Variants in PRDM16 observed in about 807,000 individuals in gnomAD.
PRDM16 encodes histone-lysine N-methyltransferase PRDM16.
Under a neutral mutation model 110.6 loss-of-function variants are expected in PRDM16, and 23 were observed. The ratio of observed to expected loss-of-function variants is 0.21; its 90% CI spans 0.15 to 0.29. PRDM16 has a LOEUF of 0.29. Among genes scored for constraint, PRDM16 ranks in the 10% least tolerant of loss-of-function variants. The pLI is 1.00. For synonymous variants in PRDM16, 799 were observed against 781.8 expected, an observed-to-expected ratio of 1.02 and a Z score of -0.37; for missense variants, 1,615 against 1,794.3, an observed-to-expected ratio of 0.90 and a Z score of 1.81.
At chr1:3,318,223 A>C (rs1641657409) in intron 3 of PRDM16, among the ~76,000 whole-genome samples, 1 of 152,098 alleles carries the variant, frequency 6.6e-6, no homozygotes, top group South Asian at 2.1e-4. Flanking sequence ...ACTTTTAATA[A>C]CTGTATTAAG....
intron 2 of PRDM16, among the ~76,000 whole-genome samples, chr1:3,236,888 T>C (rs907661734): frequency 1.3e-5 from 2 of 152,224 alleles, no homozygotes; most frequent in Non-Finnish European, 2.9e-5. Flanking sequence ...GAGCCCGGCC[T>C]GCCTGGCCCT....
chr1:3,433,003 C>T lies in PRDM16; in HGVS notation c.3697-674C>T, dbSNP rs537129342. Reference sequence around the variant, plus strand: ...CAGAGGCAGCTCTTTGGTGTCCCCACGGTCACCAAAACAGACATCCCCTGG... The same window carrying T: ...CAGAGGCAGCTCTTTGGTGTCCCCATGGTCACCAAAACAGACATCCCCTGG... On this transcript the variant is annotated intron_variant, in intron 16 of 16. Transcript: ENST00000270722. Among the ~76,000 whole-genome samples, 22 of 152,358 alleles carry T rather than the reference C, an allele frequency of 1.4e-4. No homozygotes were observed. In the South Asian group the frequency reaches 1.7e-3, roughly 11 times the overall value.
chr1:3,152,731 C>A (rs995205903), intron 1 of PRDM16, among the ~76,000 whole-genome samples: 3 of 152,182 alleles, frequency 2.0e-5, no homozygotes, highest in Non-Finnish European at 4.4e-5. Context: ...TGGGCCAGGT[C>A]CCCTGGGGAG....
Position 3,176,890 on chromosome 1 carries a change from G to A in PRDM16, c.38-9235G>A, listed in dbSNP as rs114710769. On this transcript the variant is annotated intron_variant, in intron 1 of 16. Coordinates refer to ENST00000270722, the MANE Select transcript of PRDM16 (RefSeq NM_022114.4). ...CATCTATCCATTCTTCCTTCCTTCC[G>A]TCTAACCATCCATCCACCCATCTAT... Among the ~76,000 whole-genome samples the A allele has an allele frequency of 3.7e-3, 549 of 148,788 alleles. 2 individuals are homozygous for A. Among genetic ancestry groups the A allele is most frequent in the African/African-American group, 0.012 (501 of 40,306 alleles).
chr1:3,281,970 G>A (rs945267799), intron 3 of PRDM16, among the ~76,000 whole-genome samples: 1 of 152,226 alleles, frequency 6.6e-6, no homozygotes, highest in Non-Finnish European at 1.5e-5. Context: ...GGGTGTTCTA[G>A]AAGGAGTGCT....
intron 1 of PRDM16, among the ~76,000 whole-genome samples, chr1:3,176,062 A>ACCATCCATCCATCCAT (rs1182676633): frequency 4.2e-5 from 1 of 23,758 alleles, no homozygotes; most frequent in African/African-American, 1.4e-4. Context: ...CATCCATCCA[A>ACCATCCATCCATCCAT]CCATCCATCC....
intron 5 of PRDM16, among the ~76,000 whole-genome samples, chr1:3,398,707 G>T (rs1265323397): frequency 6.6e-6 from 1 of 152,242 alleles, no homozygotes; most frequent in Non-Finnish European, 1.5e-5. Flanking sequence ...CTTCAGATAG[G>T]CAAGTGAGGC....
rs1557509059 is a variant in PRDM16 at position 3,181,424 on chromosome 1, GCGGTCTTACACAAGCA to G, written c.38-4700_38-4685del. ...GTCTTACACACGCAGTCTTACACAC[GCGGTCTTACACAAGCA>G]GTCTTACACGGTCTTACACACGGTC... On this transcript the variant is annotated intron_variant, in intron 1 of 16. Transcript: ENST00000270722. Among the ~76,000 whole-genome samples the G allele has an allele frequency of 3.4e-4, 9 of 26,758 alleles. 2 individuals are homozygous for G. The highest frequency in any genetic ancestry group is 4.1e-4 in the Non-Finnish European group (4 of 9,814). 17.6% of individuals were successfully genotyped at this position (26,758 alleles called of 152,430 possible). A position where few individuals can be genotyped will look rare whatever the true frequency, so the allele number is the denominator to read the frequency against.
intron 1 of PRDM16, among the ~76,000 whole-genome samples, chr1:3,145,358 A>G (rs1189364135): frequency 6.6e-6 from 1 of 152,132 alleles, no homozygotes; most frequent in Non-Finnish European, 1.5e-5. Flanking sequence ...CTGGGCCCTG[A>G]GCCCACTGGC....
rs1032408499 is a variant in PRDM16, at chr1:3,370,452, T to G, written c.439-14700T>G. On this transcript the variant is annotated intron_variant, in intron 3 of 16. Transcript: ENST00000270722. The surrounding 1 kb of genome is among the most constrained non-coding windows in gnomAD (Gnocchi z 4.8). ...ATCTGGAGGCGCCTTCATTCATTCA[T>G]TTGTTCCCCAAGCATGCATTGAGCA... Among the ~76,000 whole-genome samples, 5 of 152,110 alleles carry G rather than the reference T, an allele frequency of 3.3e-5. No individual in the cohort carries two copies. The highest frequency in any genetic ancestry group is 7.3e-5 in the Non-Finnish European group (5 of 68,028).
chr1:3,104,504 A>C (rs1023194822), intron 1 of PRDM16, among the ~76,000 whole-genome samples: 11 of 122,650 alleles, frequency 9.0e-5, no homozygotes, highest in African/African-American at 3.8e-4. Flanking sequence ...TGGGCGGGAG[A>C]CCACAGCAGT....
chr1:3,203,585 G>C (rs886719388), intron 2 of PRDM16, among the ~76,000 whole-genome samples: 4 of 152,230 alleles, frequency 2.6e-5, no homozygotes, highest in South Asian at 4.1e-4. Flanking sequence ...CTCTCCCCGG[G>C]GGGGCCAGGG....
At chr1:3,165,336 T>G (rs563660945) in intron 1 of PRDM16, among the ~76,000 whole-genome samples, 6 of 111,190 alleles carry the variant, frequency 5.4e-5, no homozygotes, top group East Asian at 2.9e-4. Context: ...CTCAGGGGCA[T>G]GGACTCACCT....
At chr1:3,376,985 G>A (rs1643001421) in intron 3 of PRDM16, among the ~76,000 whole-genome samples, 1 of 152,222 alleles carries the variant, frequency 6.6e-6, no homozygotes, top group East Asian at 1.9e-4. Flanking sequence ...GGTGTTTCCA[G>A]AACGCCTTTC....
intron 1 of PRDM16, among the ~76,000 whole-genome samples, chr1:3,117,927 C>T (rs933706396): frequency 6.6e-6 from 1 of 152,186 alleles, no homozygotes; most frequent in Non-Finnish European, 1.5e-5. Context: ...TTCCTGGTGC[C>T]GGAAATCCAT....
At chr1:3,352,106 C>G (rs1219801781) in intron 3 of PRDM16, among the ~76,000 whole-genome samples, 2 of 152,222 alleles carry the variant, frequency 1.3e-5, no homozygotes, top group Non-Finnish European at 2.9e-5. Context: ...CAGACAGCCC[C>G]AGGCCAACCC....
chr1:3,291,082 G>T (rs1317435867), intron 3 of PRDM16, among the ~76,000 whole-genome samples: 4 of 152,000 alleles, frequency 2.6e-5, no homozygotes, highest in Admixed American at 2.0e-4. Context: ...ACCCGCTTCC[G>T]GAATCCTTGG....
chr1:3,250,047 GCCCTGGGGACCCTCATCCGC>G (rs1639891571), intron 3 of PRDM16, among the ~76,000 whole-genome samples: 1 of 152,178 alleles, frequency 6.6e-6, no homozygotes, highest in Admixed American at 6.5e-5. Flanking sequence ...CTGGGCCGTG[GCCCTGGGGACCCTCATCCGC>G]CCCTGGGGAC....
chr1:3,295,872 C>A lies in PRDM16; in HGVS notation c.438+51735C>A, dbSNP rs929433012. Among the ~76,000 whole-genome samples the A allele has an allele frequency of 2.6e-5, 4 of 152,126 alleles. No homozygotes were observed. The East Asian group carries it at 7.7e-4, about 29-fold the overall frequency. ...GAGGGCTGCCATGGGTCAAGCTGTG[C>A]ATGGTGAGAACTGGGGTAACTGGGG... On this transcript the variant is annotated intron_variant, in intron 3 of 16. Coordinates refer to ENST00000270722, the MANE Select transcript of PRDM16 (RefSeq NM_022114.4).
Sources: allele counts gnomAD v4.1 joint callset (sites outside exome capture counted in the v4.1 genomes callset), GRCh38; gene constraint gnomAD v4.1.1; non-coding constraint Gnocchi (gnomAD v3.1); transcripts MANE v1.5; gene names NCBI Gene and HGNC (gene_info 2026-07-23, HGNC 2026-07-21).